The following TDRP variants were observed in gnomAD, a reference collection of about 807,000 sequenced individuals.
TDRP encodes testis development-related protein.
TDRP carries 12 observed loss-of-function variants against 10.5 expected under a neutral mutation model. The observed-to-expected ratio is 1.15, with a 90% confidence interval of 0.73 to 1.86. The LOEUF (loss-of-function observed/expected upper bound fraction) is 1.86. Ranked by LOEUF, TDRP falls within the 40% of genes most tolerant of loss-of-function variation. TDRP has a pLI of 0.00. For missense variants in TDRP, 353 were observed against 229.2 expected, an observed-to-expected ratio of 1.54 and a Z score of -3.49; for synonymous variants, 139 against 95.4, an observed-to-expected ratio of 1.46 and a Z score of -2.67.
At chr8:494,860 G>T in intron 1 of TDRP, 2 of 292,328 alleles carry the variant, frequency 6.8e-6, no homozygotes, top group Non-Finnish European at 6.4e-6. Context: ...TCAATATTTT[G>T]CCTCAAAAAG....
intron 1 of TDRP, among the ~76,000 whole-genome samples, chr8:523,865 G>C (rs1026490526): frequency 2.0e-5 from 3 of 152,200 alleles, no homozygotes; most frequent in Non-Finnish European, 4.4e-5. Context: ...CCAGGGACCA[G>C]GGGGAACTCA....
rs1585130668 is a variant in TDRP at position 492,544 on chromosome 8, T to C, written c.413A>G (p.Asp138Gly). The change falls in exon 3 of 3, where the codon GAT (aspartate) becomes GGT (glycine). Residue 138 changes from aspartate to glycine, a missense_variant. Physicochemically the swap from Asp to Gly is moderately conservative, Grantham distance 94 (BLOSUM62 -1). Transcript: ENST00000324079. ...GTACTTGGTCGAGCCCTTGGCGTCA[T>C]CCTCCCAGCCTGACCAGGATGGGTG... ...GGHPSWSGWE[D>G]DAKGSTKYTS... 1.2e-6 allele frequency: 2 copies of C among 1,612,060 alleles called. No homozygotes were observed. Among genetic ancestry groups the C allele is most frequent in the Non-Finnish European group, 1.7e-6 (2 of 1,178,890 alleles).
chr8:496,344 C>G (rs1270467792), intron 1 of TDRP, among the ~76,000 whole-genome samples: 2 of 152,220 alleles, frequency 1.3e-5, no homozygotes, highest in African/African-American at 4.8e-5. Flanking sequence ...GAACATAATT[C>G]TAGAGGCTAA....
chr8:540,646 CA>C (rs1309577807), intron 1 of TDRP, among the ~76,000 whole-genome samples: 2 of 150,274 alleles, frequency 1.3e-5, no homozygotes, highest in African/African-American at 4.9e-5. Context: ...TATTTATGAC[CA>C]AAAAAAAGGG....
chr8:494,710 A>C (rs2116713657), intron 1 of TDRP, 113 bp from the exon 2 acceptor site: 1 of 884,898 alleles, frequency 1.1e-6, no homozygotes, highest in Admixed American at 2.2e-5. Flanking sequence ...GGCAGAGCTT[A>C]CATCTTAGCT....
intron 1 of TDRP, 22 bp from the exon 2 acceptor site, chr8:494,619 T>A (rs1801078753): frequency 6.2e-7 from 1 of 1,600,180 alleles, no homozygotes. Context: ...TTAAGAAAAA[T>A]GTCAAATCTG....
intron 1 of TDRP, among the ~76,000 whole-genome samples, chr8:542,537 T>A (rs1179821565): frequency 6.7e-6 from 1 of 148,900 alleles, no homozygotes; most frequent in African/African-American, 2.6e-5. Flanking sequence ...TCTATTAAAG[T>A]TTTTTCCCCC....
chr8:522,697 G>A (rs925225360), intron 1 of TDRP, among the ~76,000 whole-genome samples: 1 of 152,168 alleles, frequency 6.6e-6, no homozygotes, highest in Non-Finnish European at 1.5e-5. Flanking sequence ...TAATCCGACT[G>A]ACTCGGTGCA....
chr8:545,406 CCTT>C (rs1424427679), upstream of TDRP, among the ~76,000 whole-genome samples: 5 of 143,702 alleles, frequency 3.5e-5, no homozygotes, highest in South Asian at 2.3e-4. Context: ...CCGGTTCTCT[CCTT>C]CTCCCCCGCC....
intron 1 of TDRP, among the ~76,000 whole-genome samples, chr8:500,565 C>G (rs77612558): frequency 0.023 from 3,524 of 152,338 alleles, 122 homozygotes; most frequent in African/African-American, 0.08. Context: ...CTTAATCTCA[C>G]AATTTGTAAT....
chr8:508,630 A>G (rs1441083293), intron 1 of TDRP, among the ~76,000 whole-genome samples: 1 of 152,092 alleles, frequency 6.6e-6, no homozygotes, highest in Non-Finnish European at 1.5e-5. Context: ...CCCTTGATAC[A>G]TTGCGATTAT....
rs1800927842 is a variant in TDRP at position 490,142 on chromosome 8, T to G, written c.*2257A>C. 1 of 152,182 alleles carries G rather than the reference T, an allele frequency of 6.6e-6. No individual in the cohort carries two copies. Among genetic ancestry groups the G allele is most frequent in the Non-Finnish European group, 1.5e-5 (1 of 68,044 alleles). The allele number at this position is 152,182 out of a possible 1,614,324, so 9.4% of individuals were successfully genotyped here. The stretch of plus-strand genomic sequence containing the variant: ...TCAAAACCACATTCTCCCATTAACT[T>G]GTGAAGATAATAAATTTGCTTTGAT... On this transcript the variant is annotated 3_prime_UTR_variant, in exon 3 of 3. Transcript: ENST00000324079.
At position 491,481 on chromosome 8, in the gene TDRP, A is replaced by G; in HGVS notation, c.*918T>C. On this transcript the variant is annotated 3_prime_UTR_variant, in exon 3 of 3. Transcript: ENST00000324079. ...CCGGTCGTCGATTATTCTTGTGGAA[A>G]AAACACAGCTTCTTACAGATCTAAC... 1 of 876,186 alleles carries G rather than the reference A, an allele frequency of 1.1e-6. No homozygotes were observed. The highest frequency in any genetic ancestry group is 3.7e-5 in the Admixed American group (1 of 26,970). The allele number at this position is 876,186 out of a possible 1,614,324, so 54.3% of individuals were successfully genotyped here.
intron 1 of TDRP, among the ~76,000 whole-genome samples, chr8:543,561 A>G (rs1002251443): frequency 6.6e-6 from 1 of 152,148 alleles, no homozygotes; most frequent in Non-Finnish European, 1.5e-5. Flanking sequence ...AATTAAAAAA[A>G]AAAAAGGCAC....
At chr8:498,675 A>G (rs1328430458) in intron 1 of TDRP, among the ~76,000 whole-genome samples, 1 of 152,034 alleles carries the variant, frequency 6.6e-6, no homozygotes, top group Non-Finnish European at 1.5e-5. Flanking sequence ...TGTAAGAAGA[A>G]CATTACATTT....
rs941370123 is a variant in TDRP, at chr8:514,584, G to C, written c.109-19987C>G. Among the ~76,000 whole-genome samples the C allele has an allele frequency of 5.3e-5, 8 of 152,104 alleles. No individual in the cohort carries two copies. In the South Asian group the frequency reaches 6.2e-4, roughly 12 times the overall value. The stretch of plus-strand genomic sequence containing the variant: ...CTCAGAAACACATGACCTTAGCTCT[G>C]TGTATGGAAACACGAGGAACCATGT... On this transcript the variant is annotated intron_variant, in intron 1 of 2. Coordinates refer to ENST00000324079, the MANE Select transcript of TDRP (RefSeq NM_001384899.1).
At chr8:524,551 T>A (rs1025506174) in intron 1 of TDRP, among the ~76,000 whole-genome samples, 1 of 152,164 alleles carries the variant, frequency 6.6e-6, no homozygotes, top group African/African-American at 2.4e-5. Flanking sequence ...GAGAAGGAAT[T>A]CAGAATCCTA....
chr8:532,835 A>G (rs1802241868), intron 1 of TDRP, among the ~76,000 whole-genome samples: 1 of 126,888 alleles, frequency 7.9e-6, no homozygotes, highest in African/African-American at 2.5e-5. Flanking sequence ...ACTGGAACCC[A>G]GCCACGATCG....
chr8:541,703 G>C (rs1023430010), intron 1 of TDRP, among the ~76,000 whole-genome samples: 1 of 152,146 alleles, frequency 6.6e-6, no homozygotes, highest in Non-Finnish European at 1.5e-5. Flanking sequence ...AAGACAAAGA[G>C]AAACCACCAC....
Sources: allele counts gnomAD v4.1 joint callset (sites outside exome capture counted in the v4.1 genomes callset), GRCh38; gene constraint gnomAD v4.1.1; transcripts MANE v1.5; gene names NCBI Gene and HGNC (gene_info 2026-07-23, HGNC 2026-07-21).